The following LRRC4C variants were observed in gnomAD, a reference collection of about 807,000 sequenced individuals.
LRRC4C encodes leucine rich repeat containing 4C, also known as leucine-rich repeat-containing protein 4C.
Under a neutral mutation model 33.6 loss-of-function variants are expected in LRRC4C, and 5 were observed. The ratio of observed to expected loss-of-function variants is 0.15; its 90% CI spans 0.08 to 0.31. LRRC4C has a LOEUF of 0.31. Ranked by LOEUF, LRRC4C falls within the 10% of genes least tolerant of loss-of-function variation. The pLI is 1.00. For missense variants in LRRC4C, 560 were observed against 796.7 expected, an observed-to-expected ratio of 0.70 and a Z score of 3.58; for synonymous variants, 329 against 302.0, an observed-to-expected ratio of 1.09 and a Z score of -0.93.
chr11:40,301,384 G>A (rs1438088094), intron 4 of LRRC4C, among the ~76,000 whole-genome samples: 2 of 152,144 alleles, frequency 1.3e-5, no homozygotes, highest in Non-Finnish European at 2.9e-5. Context: ...TCTAAATTAG[G>A]AATCTTTGCA....
intron 1 of LRRC4C, among the ~76,000 whole-genome samples, chr11:41,112,293 C>T (rs1168271298): frequency 1.3e-5 from 2 of 152,024 alleles, no homozygotes; most frequent in Non-Finnish European, 2.9e-5. Flanking sequence ...TTTCTAATCT[C>T]AGCATCTCCT....
intron 1 of LRRC4C, among the ~76,000 whole-genome samples, chr11:41,007,186 A>G (rs1484265251): frequency 2.0e-5 from 3 of 152,080 alleles, no homozygotes; most frequent in Admixed American, 2.0e-4. Context: ...TATTTATATT[A>G]CGTTCCATCG....
intron 3 of LRRC4C, among the ~76,000 whole-genome samples, chr11:40,619,921 GT>G (rs532728173): frequency 1.9e-3 from 280 of 150,740 alleles, no homozygotes; most frequent in Middle Eastern, 3.4e-3. Context: ...TTTGTTGGTG[GT>G]TATTATTCAT....
intron 1 of LRRC4C, among the ~76,000 whole-genome samples, chr11:41,032,088 T>C (rs1856761867): frequency 6.6e-6 from 1 of 151,982 alleles, no homozygotes; most frequent in African/African-American, 2.4e-5. Context: ...AAAAATAACC[T>C]GGGCATGTGA....
chr11:40,566,476 T>C (rs1048001509), intron 3 of LRRC4C, among the ~76,000 whole-genome samples: 1 of 152,112 alleles, frequency 6.6e-6, no homozygotes, highest in African/African-American at 2.4e-5. Flanking sequence ...ATGTGATCTA[T>C]AACAAATTAT....
intron 1 of LRRC4C, among the ~76,000 whole-genome samples, chr11:41,154,806 A>G (rs1331387937): frequency 6.6e-6 from 1 of 152,270 alleles, no homozygotes; most frequent in East Asian, 1.9e-4. Context: ...TGAAAGGAAC[A>G]TTCCACAGCT....
chr11:40,849,036 G>T (rs1189467649), intron 2 of LRRC4C, among the ~76,000 whole-genome samples: 1 of 152,058 alleles, frequency 6.6e-6, no homozygotes, highest in Non-Finnish European at 1.5e-5. Flanking sequence ...AGCATATTGT[G>T]TGTCTTTTCA....
At chr11:41,294,401 C>A (rs1777244369) in intron 1 of LRRC4C, among the ~76,000 whole-genome samples, 1 of 152,170 alleles carries the variant, frequency 6.6e-6, no homozygotes, top group Admixed American at 6.6e-5. Flanking sequence ...CAATTTCGAT[C>A]CTCAGTTTTG....
chr11:41,028,570 G>GACACAC (rs57827895), intron 1 of LRRC4C, among the ~76,000 whole-genome samples: 4 of 147,312 alleles, frequency 2.7e-5, no homozygotes, highest in African/African-American at 1.0e-4. Context: ...TAGTATTCAC[G>GACACAC]ACACACACAC....
chr11:41,401,127 G>A (rs1330264998), intron 1 of LRRC4C, among the ~76,000 whole-genome samples: 1 of 151,770 alleles, frequency 6.6e-6, no homozygotes, highest in South Asian at 2.1e-4. Context: ...TATTTTTTAG[G>A]GACAATCTAG....
intron 1 of LRRC4C, among the ~76,000 whole-genome samples, chr11:41,377,908 C>T (rs959518065): frequency 6.6e-6 from 1 of 152,134 alleles, no homozygotes; most frequent in Non-Finnish European, 1.5e-5. Context: ...AAGCTGGATG[C>T]GCCAGGAGGC....
chr11:40,701,086 T>C (rs1169975973), intron 2 of LRRC4C, among the ~76,000 whole-genome samples: 1 of 152,108 alleles, frequency 6.6e-6, no homozygotes, highest in African/African-American at 2.4e-5. Flanking sequence ...CCCATAAAAG[T>C]GTCTAATTAA....
chr11:40,790,050 T>C (rs1399258754), intron 2 of LRRC4C, among the ~76,000 whole-genome samples: 4 of 152,226 alleles, frequency 2.6e-5, no homozygotes, highest in Non-Finnish European at 5.9e-5. Flanking sequence ...GGAACAATAT[T>C]AGAAAACATA....
chr11:40,777,816 T>C lies in LRRC4C; in HGVS notation c.-406-129538A>G, dbSNP rs552257593. Among the ~76,000 whole-genome samples the C allele has an allele frequency of 3.0e-4, 46 of 151,990 alleles. No individual in the cohort carries two copies. The East Asian group carries it at 7.6e-3, about 25-fold the overall frequency. ...CATTCTCCTGCCTCAGCCTCCCGAG[T>C]AGCTGGGACTACAGGCGCCCGCCAC... is the stretch of plus-strand genomic sequence containing the variant. On this transcript the variant is annotated intron_variant, in intron 2 of 6. Transcript: ENST00000528697.
intron 2 of LRRC4C, among the ~76,000 whole-genome samples, chr11:40,800,931 T>A (rs1951015207): frequency 6.6e-6 from 1 of 152,154 alleles, no homozygotes; most frequent in Non-Finnish European, 1.5e-5. Flanking sequence ...CATCACATCA[T>A]AATCTTGTTC....
At chr11:40,396,383 C>T (rs1176319107) in intron 3 of LRRC4C, among the ~76,000 whole-genome samples, 6 of 152,006 alleles carry the variant, frequency 3.9e-5, no homozygotes, top group Non-Finnish European at 8.8e-5. Context: ...TGTAATACTA[C>T]CGCTCCTCTG....
intron 1 of LRRC4C, among the ~76,000 whole-genome samples, chr11:41,389,993 C>G (rs2137986988): frequency 6.6e-6 from 1 of 152,016 alleles, no homozygotes; most frequent in Admixed American, 6.6e-5. Flanking sequence ...ACAGGACATA[C>G]TATTTACCAA....
intron 1 of LRRC4C, among the ~76,000 whole-genome samples, chr11:41,217,497 A>G (rs925348641): frequency 4.6e-5 from 7 of 152,218 alleles, no homozygotes; most frequent in African/African-American, 1.7e-4. Context: ...CTGCTTTTCA[A>G]TAATGCTAAC....
At chr11:40,624,264 A>G (rs1962726513) in intron 3 of LRRC4C, among the ~76,000 whole-genome samples, 1 of 152,152 alleles carries the variant, frequency 6.6e-6, no homozygotes, top group African/African-American at 2.4e-5. Flanking sequence ...AGTGATGCAG[A>G]AAATTATAAA....
Sources: allele counts gnomAD v4.1 joint callset (sites outside exome capture counted in the v4.1 genomes callset), GRCh38; gene constraint gnomAD v4.1.1; transcripts MANE v1.5; gene names NCBI Gene and HGNC (gene_info 2026-07-23, HGNC 2026-07-21).